Variants in AKAP6 observed in about 807,000 individuals in gnomAD.
AKAP6 encodes A-kinase anchoring protein 6.
AKAP6 carries 58 observed loss-of-function variants against 188.5 expected under a neutral mutation model. The ratio of observed to expected loss-of-function variants is 0.31; its 90% CI spans 0.25 to 0.38. AKAP6 has a LOEUF of 0.38. Ranked by LOEUF, AKAP6 falls within the 10% of genes least tolerant of loss-of-function variation. The probability of loss-of-function intolerance (pLI) is 1.00; values close to 1 mark genes in which losing one functional copy is unlikely to be tolerated. For synonymous variants in AKAP6, 989 were observed against 998.6 expected (o/e 0.99, Z 0.18); for missense variants, 2,710 against 2,740.0 (o/e 0.99, Z 0.24).
At chr14:32,813,401 A>C (rs1955479) in intron 12 of AKAP6, among the ~76,000 whole-genome samples, 28,299 of 75,632 alleles carry the variant, frequency 0.37, 4,244 homozygotes, top group African/African-American at 0.51. Context: ...CCCCCCCCCC[A>C]ACCCCTTTCC....
intron 8 of AKAP6, among the ~76,000 whole-genome samples, chr14:32,681,577 G>C (rs1424075698): frequency 6.6e-6 from 1 of 152,018 alleles, no homozygotes; most frequent in Non-Finnish European, 1.5e-5. Flanking sequence ...AGAAATGGAA[G>C]TCTTAAGTAG....
chr14:32,410,356 C>T (rs1339650385), intron 1 of AKAP6, among the ~76,000 whole-genome samples: 1 of 152,144 alleles, frequency 6.6e-6, no homozygotes, highest in South Asian at 2.1e-4. Context: ...ATAAACTTAA[C>T]CCATTGTCAA....
At chr14:32,764,016 A>G (rs879380921) in intron 11 of AKAP6, among the ~76,000 whole-genome samples, 5 of 152,214 alleles carry the variant, frequency 3.3e-5, no homozygotes, top group African/African-American at 9.6e-5. Context: ...TGGCTAGAGA[A>G]TAGAGCTATC....
At chr14:32,744,338 A>G (rs979507605) in intron 11 of AKAP6, among the ~76,000 whole-genome samples, 14 of 150,086 alleles carry the variant, frequency 9.3e-5, no homozygotes, top group African/African-American at 3.2e-4. Flanking sequence ...TATTTTTGAG[A>G]TGGAGTCTCG....
At chr14:32,337,925 G>A (rs1489108414) in intron 1 of AKAP6, among the ~76,000 whole-genome samples, 1 of 152,060 alleles carries the variant, frequency 6.6e-6, no homozygotes, top group Admixed American at 6.6e-5. Context: ...GAGGCTGAGG[G>A]GGGAGGATTG....
At chr14:32,661,194 A>C (rs1888684864) in intron 7 of AKAP6, among the ~76,000 whole-genome samples, 1 of 152,072 alleles carries the variant, frequency 6.6e-6, no homozygotes, top group Admixed American at 6.6e-5. Context: ...CATGTGCTGC[A>C]ACTCCAGCCC....
Position 32,407,640 on chromosome 14 carries a change from C to T in AKAP6, c.-34-25820C>T, listed in dbSNP as rs142543618. ...TTCTTCCTTTGTTCCGCTTCCTGAT[C>T]TATCTCTCCTTCTCATTTCAGTTCC... On this transcript the variant is annotated intron_variant, in intron 1 of 13. Coordinates refer to ENST00000280979, the MANE Select transcript of AKAP6 (RefSeq NM_004274.5). Among the ~76,000 whole-genome samples the T allele has an allele frequency of 5.1e-4, 77 of 152,318 alleles. 1 individual carries two copies. The East Asian group carries it at 0.014, about 27-fold the overall frequency.
At chr14:32,722,347 C>A (rs900713937) in intron 9 of AKAP6, among the ~76,000 whole-genome samples, 4 of 152,000 alleles carry the variant, frequency 2.6e-5, no homozygotes, top group African/African-American at 7.2e-5. Flanking sequence ...CTTTTTTTAA[C>A]CCTGTGTTTT....
At chr14:32,732,310 C>A in intron 9 of AKAP6, 144 bp from the exon 10 acceptor site, 1 of 721,130 alleles carries the variant, frequency 1.4e-6, no homozygotes, top group Non-Finnish European at 2.2e-6. Context: ...TTCATCTACT[C>A]AAAGTACTTA....
chr14:32,577,283 G>A (rs998069720), intron 5 of AKAP6, 41 bp downstream of exon 5: 2 of 1,590,950 alleles, frequency 1.3e-6, no homozygotes, highest in Admixed American at 1.8e-5. Flanking sequence ...ATAATCAAAG[G>A]ATTTTAATGT....
chr14:32,417,022 A>G (rs548100675), intron 1 of AKAP6, among the ~76,000 whole-genome samples: 188 of 152,150 alleles, frequency 1.2e-3, no homozygotes, highest in South Asian at 6.4e-3. Context: ...TTGTATTTTT[A>G]GTAGAGGTGG....
At chr14:32,643,285 C>T (rs1022533976) in intron 7 of AKAP6, among the ~76,000 whole-genome samples, 1 of 151,690 alleles carries the variant, frequency 6.6e-6, no homozygotes, top group African/African-American at 2.4e-5. Flanking sequence ...GCCTCTCCTT[C>T]TTCATTTTCT....
At chr14:32,522,467 A>G (rs1881893206) in intron 2 of AKAP6, among the ~76,000 whole-genome samples, 2 of 151,152 alleles carry the variant, frequency 1.3e-5, no homozygotes, top group African/African-American at 2.4e-5. Context: ...TCCAGAATCT[A>G]CAAAGAACTT....
At chr14:32,786,308 T>A (rs1490319834) in intron 12 of AKAP6, among the ~76,000 whole-genome samples, 1,205 of 91,182 alleles carry the variant, frequency 0.013, 92 homozygotes, top group Admixed American at 0.098. Context: ...CTTTTTTTTT[T>A]TTTTTTTTTT....
chr14:32,566,594 A>G (rs1884201438), intron 4 of AKAP6, among the ~76,000 whole-genome samples: 1 of 151,932 alleles, frequency 6.6e-6, no homozygotes, highest in South Asian at 2.1e-4. Flanking sequence ...CTCTCAATAA[A>G]TTTTTTTTGA....
intron 5 of AKAP6, among the ~76,000 whole-genome samples, chr14:32,584,490 C>T (rs982126051): frequency 6.6e-6 from 1 of 152,174 alleles, no homozygotes; most frequent in Non-Finnish European, 1.5e-5. Context: ...CAAAACCATG[C>T]ATAAAGGGGA....
At chr14:32,577,625 CCT>C (rs942723130) in intron 5 of AKAP6, among the ~76,000 whole-genome samples, 6 of 151,990 alleles carry the variant, frequency 3.9e-5, no homozygotes, top group African/African-American at 1.5e-4. Context: ...AATTAATGAA[CCT>C]CTCATTATCA....
intron 7 of AKAP6, among the ~76,000 whole-genome samples, chr14:32,628,553 A>G (rs1887121349): frequency 6.6e-6 from 1 of 152,094 alleles, no homozygotes; most frequent in East Asian, 1.9e-4. Context: ...AGGGAAAAAA[A>G]GAAAGGAAGG....
At chr14:32,794,914 G>A in intron 12 of AKAP6, among the ~76,000 whole-genome samples, 1 of 151,714 alleles carries the variant, frequency 6.6e-6, no homozygotes, top group Non-Finnish European at 1.5e-5. Flanking sequence ...GAAGAAAAGA[G>A]AAAACAATCA....
Sources: allele counts gnomAD v4.1 joint callset (sites outside exome capture counted in the v4.1 genomes callset), GRCh38; gene constraint gnomAD v4.1.1; transcripts MANE v1.5; gene names NCBI Gene and HGNC (gene_info 2026-07-23, HGNC 2026-07-21).